The following ARHGAP10 variants were observed in gnomAD, a reference collection of about 807,000 sequenced individuals.
ARHGAP10 encodes the protein rho GTPase-activating protein 10.
In ARHGAP10, 87 loss-of-function variants were observed where a neutral mutation model predicts 108.6. That is an observed-to-expected ratio of 0.80 (90% confidence interval 0.67 to 0.96). The LOEUF (loss-of-function observed/expected upper bound fraction) is 0.96, where lower values mean the gene tolerates loss of function less well. Among genes scored for constraint, ARHGAP10 ranks in the 40% least tolerant of loss-of-function variants. ARHGAP10 has a pLI of 0.00. For synonymous variants in ARHGAP10, 347 were observed against 341.1 expected, an observed-to-expected ratio of 1.02 and a Z score of -0.19; for missense variants, 939 against 954.5, an observed-to-expected ratio of 0.98 and a Z score of 0.21.
At chr4:147,852,926 G>T (rs938009113) in intron 4 of ARHGAP10, among the ~76,000 whole-genome samples, 4 of 151,848 alleles carry the variant, frequency 2.6e-5, no homozygotes, top group Admixed American at 2.6e-4. Flanking sequence ...CACCATGTTG[G>T]TCAGGCTGAT....
chr4:147,905,173 T>G (rs1400511233), intron 10 of ARHGAP10, among the ~76,000 whole-genome samples: 1 of 152,158 alleles, frequency 6.6e-6, no homozygotes, highest in Non-Finnish European at 1.5e-5. Context: ...TTTCTCCCAT[T>G]TTGTAGGTTG....
At chr4:147,929,801 A>G (rs1236048255) in intron 13 of ARHGAP10, among the ~76,000 whole-genome samples, 1 of 152,206 alleles carries the variant, frequency 6.6e-6, no homozygotes, top group African/African-American at 2.4e-5. Flanking sequence ...TTATATATGA[A>G]AATATATACA....
At chr4:147,745,295 A>T (rs1728862228) in intron 1 of ARHGAP10, 1 of 152,180 alleles carries the variant, frequency 6.6e-6, no homozygotes, top group African/African-American at 2.4e-5. Context: ...AGCTCTCCTA[A>T]ATTATTTGGC....
At chr4:147,866,996 A>G (rs940866080) in intron 7 of ARHGAP10, among the ~76,000 whole-genome samples, 180 bp downstream of exon 7, 2 of 152,206 alleles carry the variant, frequency 1.3e-5, no homozygotes, top group African/African-American at 4.8e-5. Context: ...CAGTTGGTTG[A>G]GGCTTGGGAA....
chr4:147,800,838 G>A lies in ARHGAP10; in HGVS notation c.155-21889G>A, dbSNP rs182659595. Among the ~76,000 whole-genome samples, 537 of 152,108 alleles carry A rather than the reference G, an allele frequency of 3.5e-3. 1 individual carries two copies. The highest frequency in any genetic ancestry group is 4.8e-3 in the Non-Finnish European group (329 of 68,004). ...TTTCCTTTTTCTTTTTTGACACAGC[G>A]TCTTACTCTGTCACCCAGGCTGGAG... is the stretch of plus-strand genomic sequence containing the variant. On this transcript the variant is annotated intron_variant, in intron 1 of 22. Coordinates refer to ENST00000336498, the MANE Select transcript of ARHGAP10 (RefSeq NM_024605.4).
chr4:147,875,153 A>G lies in ARHGAP10; in HGVS notation c.832+3A>G. ...CTACCTGTATGTCCAGGAAAAAAGTAAGAGGCCCTCCAGCAGTGGCTGCGT... is the reference window on the plus strand; with the variant it reads ...CTACCTGTATGTCCAGGAAAAAAGTGAGAGGCCCTCCAGCAGTGGCTGCGT... On this transcript the variant is annotated splice_donor_region_variant and intron_variant, in intron 8 of 22. Transcript: ENST00000336498. The G allele has an allele frequency of 6.4e-7, 1 of 1,572,226 alleles. No individual in the cohort carries two copies. Among genetic ancestry groups the G allele is most frequent in the Non-Finnish European group, 8.6e-7 (1 of 1,167,326 alleles).
intron 8 of ARHGAP10, among the ~76,000 whole-genome samples, chr4:147,875,863 T>C (rs983021210): frequency 3.3e-5 from 5 of 152,258 alleles, no homozygotes; most frequent in Non-Finnish European, 5.9e-5. Flanking sequence ...TTTGGTCTTA[T>C]TTTAACAGCT....
intron 3 of ARHGAP10, among the ~76,000 whole-genome samples, chr4:147,836,199 AAG>A (rs1399383007): frequency 6.6e-6 from 1 of 152,230 alleles, no homozygotes; most frequent in African/African-American, 2.4e-5. Context: ...GATAGATACT[AAG>A]AGAATCGTAG....
At chr4:148,018,764 G>C (rs1280517170) in intron 18 of ARHGAP10, among the ~76,000 whole-genome samples, 2 of 152,106 alleles carry the variant, frequency 1.3e-5, no homozygotes, top group African/African-American at 2.4e-5. Context: ...AATGTTGTTT[G>C]TTTCATAAAC....
At chr4:147,915,842 A>G (rs949670168) in intron 13 of ARHGAP10, among the ~76,000 whole-genome samples, 2 of 152,162 alleles carry the variant, frequency 1.3e-5, no homozygotes, top group African/African-American at 4.8e-5. Flanking sequence ...ACTGGCTCAC[A>G]CCTATAATCC....
rs1428890955 is a variant in ARHGAP10, at chr4:147,946,636, G to A, written c.1323G>A (p.Glu441=). 1.2e-6 allele frequency: 2 copies of A among 1,612,506 alleles called. No individual in the cohort carries two copies. The highest frequency in any genetic ancestry group is 4.5e-5 in the East Asian group (2 of 44,780). The change falls in exon 15 of 23, where the codon GAG becomes GAA. Residue 441 remains glutamate (E), a synonymous_variant. Transcript: ENST00000336498. ...CACTAGATGTAAAAACATGCAATGA[G>A]GTGGACCTGGAGAATTCTGCAGATT... The part of the protein sequence containing the change: ...SMLMDVKTCN[E]VDLENSADWE...
At chr4:147,764,799 C>T (rs965049451) in intron 1 of ARHGAP10, among the ~76,000 whole-genome samples, 7 of 152,090 alleles carry the variant, frequency 4.6e-5, no homozygotes, top group Admixed American at 1.3e-4. Context: ...CCTCCCAAAG[C>T]GCTGGGATTA....
At chr4:147,797,862 A>G (rs755014905) in intron 1 of ARHGAP10, among the ~76,000 whole-genome samples, 17 of 152,156 alleles carry the variant, frequency 1.1e-4, no homozygotes, top group Non-Finnish European at 5.9e-5. Context: ...TGTACAGTCA[A>G]TCTTTTTTAG....
chr4:147,942,551 G>A (rs1233180114), intron 14 of ARHGAP10, among the ~76,000 whole-genome samples: 1 of 151,878 alleles, frequency 6.6e-6, no homozygotes, highest in Admixed American at 6.6e-5. Flanking sequence ...TATTAAAATA[G>A]CAAAATGTTT....
chr4:147,899,532 A>G (rs1295797364), intron 10 of ARHGAP10, among the ~76,000 whole-genome samples: 2 of 152,116 alleles, frequency 1.3e-5, no homozygotes, highest in Non-Finnish European at 2.9e-5. Context: ...AATTTTTTAC[A>G]TTCCAGGTGG....
intron 18 of ARHGAP10, among the ~76,000 whole-genome samples, chr4:147,985,055 A>G (rs112832767): frequency 0.014 from 2,070 of 152,288 alleles, 30 homozygotes; most frequent in African/African-American, 0.035. Flanking sequence ...AGTTCTCTGC[A>G]TGAGGCAGTG....
chr4:148,000,067 C>A (rs1560867632), intron 18 of ARHGAP10, among the ~76,000 whole-genome samples: 1 of 151,804 alleles, frequency 6.6e-6, no homozygotes, highest in Non-Finnish European at 1.5e-5. Context: ...CTAATGCTGT[C>A]CCTCCCCCTC....
chr4:148,028,298 T>C lies in ARHGAP10; in HGVS notation c.1867+4885T>C, dbSNP rs548741656. Among the ~76,000 whole-genome samples the C allele has an allele frequency of 7.2e-5, 11 of 152,270 alleles. No homozygotes were observed. In the South Asian group the frequency reaches 2.3e-3, roughly 32 times the overall value. On this transcript the variant is annotated intron_variant, in intron 19 of 22. Transcript: ENST00000336498. Reference sequence around the variant, plus strand: ...GGACAGTGTTGACAGTTGTGAATGATGGGCGGAACTGATGTGAAAGACTTA... The same window carrying C: ...GGACAGTGTTGACAGTTGTGAATGACGGGCGGAACTGATGTGAAAGACTTA...
intron 18 of ARHGAP10, among the ~76,000 whole-genome samples, chr4:147,982,546 C>CTTTTTTTTTTTTTTTTTTTTTTTTTTT (rs753773443): frequency 1.5e-5 from 1 of 66,270 alleles, no homozygotes; most frequent in African/African-American, 7.1e-5. Flanking sequence ...CCAGCTAAAT[C>CTTTTTTTTTTTTTTTTTTTTTTTTTTT]TTTTTTTTTT....
Sources: allele counts gnomAD v4.1 joint callset (sites outside exome capture counted in the v4.1 genomes callset), GRCh38; gene constraint gnomAD v4.1.1; transcripts MANE v1.5; gene names NCBI Gene and HGNC (gene_info 2026-07-23, HGNC 2026-07-21).